Variants in RABGEF1 observed in about 807,000 individuals in gnomAD.
RABGEF1 encodes RAB guanine nucleotide exchange factor 1, also known as rab5 GDP/GTP exchange factor.
Under a neutral mutation model 57.3 loss-of-function variants are expected in RABGEF1, and 26 were observed. That is an observed-to-expected ratio of 0.45 (90% CI 0.33 to 0.63). RABGEF1 has a LOEUF of 0.63. Among genes scored for constraint, RABGEF1 ranks in the 20% least tolerant of loss-of-function variants. The pLI is 0.02. For missense variants in RABGEF1, 464 were observed against 607.6 expected (o/e 0.76, Z 2.48); for synonymous variants, 185 against 210.7 (o/e 0.88, Z 1.06).
intron 1 of RABGEF1, among the ~76,000 whole-genome samples, chr7:66,757,898 A>T (rs1279533738): frequency 6.6e-6 from 1 of 152,198 alleles, no homozygotes. Flanking sequence ...GGCGTGAGCC[A>T]CTGCGCCCGG....
At chr7:66,759,032 T>A (rs769671603) in intron 1 of RABGEF1, among the ~76,000 whole-genome samples, 1 of 152,212 alleles carries the variant, frequency 6.6e-6, no homozygotes, top group Non-Finnish European at 1.5e-5. Flanking sequence ...AGGAAATTGA[T>A]ATTTGTGCAA....
At chr7:66,751,032 C>CTTTT (rs765625657) in intron 1 of RABGEF1, among the ~76,000 whole-genome samples, 1 of 142,870 alleles carries the variant, frequency 7.0e-6, no homozygotes, top group Admixed American at 7.0e-5. Flanking sequence ...CTCTTTTTTT[C>CTTTT]TTTTTTTTTT....
chr7:66,660,347 C>CAA, the RABGEF1 span, among the ~76,000 whole-genome samples: 615 of 82,652 alleles, frequency 7.4e-3, 4 homozygotes, highest in Non-Finnish European at 0.013. Flanking sequence ...GACTCCATCT[C>CAA]AAAAAAAAAA....
Position 66,795,738 on chromosome 7 carries a change from T to C in RABGEF1, c.595+146T>C, listed in dbSNP as rs1257217075. On this transcript the variant is annotated intron_variant, in intron 5 of 8. Transcript: ENST00000284957. ...ATGGACATTCTGGGAACTGGTCTTA[T>C]ACTTAGCAGTGCCTTTGAACTGTAC... The C allele has an allele frequency of 4.1e-6, 3 of 734,534 alleles. No homozygotes were observed. The East Asian group carries it at 8.0e-5, about 20-fold the overall frequency. The allele number at this position is 734,534 out of a possible 1,614,324, so 45.5% of individuals were successfully genotyped here. A position where few individuals can be genotyped will look rare whatever the true frequency, so the allele number is the denominator to read the frequency against.
At chr7:66,714,828 G>A (rs1230357250) in intron 2 of RABGEF1, among the ~76,000 whole-genome samples, 2 of 152,172 alleles carry the variant, frequency 1.3e-5, no homozygotes, top group African/African-American at 2.4e-5. Context: ...CCAGCTACTC[G>A]AGAGGCTGAG....
intron 2 of RABGEF1, among the ~76,000 whole-genome samples, chr7:66,721,958 C>A (rs1584933180): frequency 6.6e-6 from 1 of 151,946 alleles, no homozygotes; most frequent in Non-Finnish European, 1.5e-5. Flanking sequence ...TCAAGACCAG[C>A]CTGGACAATA....
intron 1 of RABGEF1, among the ~76,000 whole-genome samples, chr7:66,695,018 A>C (rs1792105327): frequency 6.6e-6 from 1 of 152,144 alleles, no homozygotes; most frequent in African/African-American, 2.4e-5. Flanking sequence ...GCTCAGAAAG[A>C]GGACCTTGAG....
chr7:66,798,526 G>C (rs935617425), intron 6 of RABGEF1, among the ~76,000 whole-genome samples: 2 of 152,200 alleles, frequency 1.3e-5, no homozygotes, highest in Non-Finnish European at 2.9e-5. Context: ...CCAAGATGCA[G>C]AACAGAAGCA....
chr7:66,665,762 G>A, the RABGEF1 span, among the ~76,000 whole-genome samples: 1 of 152,188 alleles, frequency 6.6e-6, no homozygotes, highest in East Asian at 1.9e-4. Context: ...CTTGGGGGGT[G>A]GCCTGGTCCC....
intron 1 of RABGEF1, among the ~76,000 whole-genome samples, chr7:66,691,938 T>C (rs1017108055): frequency 2.0e-5 from 3 of 151,920 alleles, no homozygotes; most frequent in African/African-American, 7.3e-5. Flanking sequence ...GCATCTGTAG[T>C]CCCAGCTACT....
At chr7:66,689,888 C>G (rs1489521331) in intron 1 of RABGEF1, among the ~76,000 whole-genome samples, 1 of 151,764 alleles carries the variant, frequency 6.6e-6, no homozygotes, top group African/African-American at 2.4e-5. Flanking sequence ...CAAAGAAATA[C>G]CCCTCACTGG....
At chr7:66,692,547 A>G (rs1264185743) in intron 1 of RABGEF1, among the ~76,000 whole-genome samples, 8 of 152,242 alleles carry the variant, frequency 5.3e-5, no homozygotes, top group African/African-American at 1.4e-4. Context: ...CACCTCTCCA[A>G]AAGTGACAGG....
intron 1 of RABGEF1, among the ~76,000 whole-genome samples, chr7:66,757,245 A>G (rs2129073694): frequency 6.6e-6 from 1 of 152,248 alleles, no homozygotes; most frequent in Non-Finnish European, 1.5e-5. Flanking sequence ...TGATGCTATT[A>G]TGACTGATAT....
At chr7:66,741,978 T>TA (rs5884601) in intron 1 of RABGEF1, among the ~76,000 whole-genome samples, 71,495 of 144,436 alleles carry the variant, frequency 0.49, 17,841 homozygotes, top group East Asian at 0.67. Context: ...CTACTACAAA[T>TA]AAAAAAAAAA....
Position 66,787,885 on chromosome 7 carries a change from A to G in RABGEF1, c.513+4044A>G, listed in dbSNP as rs17566827. ...GAATGAGATCTGTGGCTTTGTAAAT[A>G]ACTTTTTTCTGTAAATTATTTATAT... On this transcript the variant is annotated intron_variant, in intron 4 of 8. Transcript: ENST00000284957. 1.8e-3 allele frequency among the ~76,000 whole-genome samples: 280 copies of G among 152,332 alleles called. 1 individual carries two copies. The highest frequency in any genetic ancestry group is 3.4e-3 in the Middle Eastern group (1 of 294).
intron 1 of RABGEF1, among the ~76,000 whole-genome samples, chr7:66,745,486 G>T (rs559256381): frequency 6.6e-6 from 1 of 152,276 alleles, no homozygotes; most frequent in African/African-American, 2.4e-5. Context: ...CACACCATAG[G>T]CTGGGTGCGG....
chr7:66,739,296 A>C (rs1798444419), upstream of RABGEF1, among the ~76,000 whole-genome samples: 1 of 151,906 alleles, frequency 6.6e-6, no homozygotes, highest in Non-Finnish European at 1.5e-5. Flanking sequence ...AGCACACATT[A>C]GGCACTTAGG....
chr7:66,792,226 A>G (rs376513274), intron 4 of RABGEF1, among the ~76,000 whole-genome samples: 27 of 152,220 alleles, frequency 1.8e-4, no homozygotes, highest in African/African-American at 6.3e-4. Context: ...AATTATGACA[A>G]ACCTTTTGGA....
chr7:66,782,505 C>A (rs1247876658), intron 3 of RABGEF1, among the ~76,000 whole-genome samples: 1 of 146,178 alleles, frequency 6.8e-6, no homozygotes, highest in Non-Finnish European at 1.5e-5. Flanking sequence ...CTCATTCTTT[C>A]GCCCAGGCTG....
Sources: gnomAD v4.1 joint callset for allele counts (sites outside exome capture counted in the v4.1 genomes callset) on GRCh38, gnomAD v4.1.1 for gene constraint, MANE v1.5 for transcripts, NCBI Gene and HGNC (gene_info 2026-07-23, HGNC 2026-07-21) for gene names.